Variants in GAP43 observed in about 807,000 individuals in gnomAD.
GAP43 encodes the protein growth associated protein 43.
Under a neutral mutation model 18.6 loss-of-function variants are expected in GAP43, and 6 were observed. The observed-to-expected ratio is 0.32, with a 90% CI of 0.18 to 0.64. GAP43 has a LOEUF of 0.64. Ranked by LOEUF, GAP43 falls within the 30% of genes least tolerant of loss-of-function variation. The pLI is 0.78. For missense variants in GAP43, 292 were observed against 295.5 expected (o/e 0.99, Z 0.09); for synonymous variants, 115 against 111.4 (o/e 1.03, Z -0.20).
intron 1 of GAP43, among the ~76,000 whole-genome samples, chr3:115,660,958 T>G (rs1209324561): frequency 1.3e-5 from 2 of 152,296 alleles, no homozygotes; most frequent in South Asian, 2.1e-4. Flanking sequence ...CTCGATAGCT[T>G]TCACTGCCTT....
At chr3:115,691,688 G>A (rs1709117932) in intron 2 of GAP43, among the ~76,000 whole-genome samples, 2 of 152,186 alleles carry the variant, frequency 1.3e-5, no homozygotes. Context: ...ATGATTTGCA[G>A]TCTCTTTTGG....
In GAP43 at chr3:115,721,279, G is replaced by C. The variant is rs1304420568; in HGVS notation, c.*397G>C. On this transcript the variant is annotated 3_prime_UTR_variant, in exon 3 of 3. Transcript: ENST00000305124. Reference sequence around the variant, plus strand: ...TGTGTGTGCAATGTTCCGTTCATCTGAGGAGTCCAAAATATCGAGTGAATT... The same window carrying C: ...TGTGTGTGCAATGTTCCGTTCATCTCAGGAGTCCAAAATATCGAGTGAATT... 2 of 153,504 alleles carry C rather than the reference G, an allele frequency of 1.3e-5. No individual in the cohort carries two copies. Among genetic ancestry groups the C allele is most frequent in the African/African-American group, 4.8e-5 (2 of 41,430 alleles). The allele number at this position is 153,504 out of a possible 1,614,324, so 9.5% of individuals were successfully genotyped here.
intron 2 of GAP43, among the ~76,000 whole-genome samples, chr3:115,707,659 T>C (rs1709381841): frequency 6.6e-6 from 1 of 152,134 alleles, no homozygotes; most frequent in African/African-American, 2.4e-5. Flanking sequence ...ACTTTGCGCA[T>C]CTAAAAATAG....
intron 1 of GAP43, among the ~76,000 whole-genome samples, chr3:115,665,762 G>C (rs1281351591): frequency 6.6e-6 from 1 of 152,002 alleles, no homozygotes; most frequent in East Asian, 1.9e-4. Context: ...GATATACTTG[G>C]CTTGGCAATT....
chr3:115,719,412 G>A (rs1399249806), intron 2 of GAP43, among the ~76,000 whole-genome samples: 1 of 152,138 alleles, frequency 6.6e-6, no homozygotes, highest in Non-Finnish European at 1.5e-5. Context: ...GTGGTTCCAG[G>A]TGCCTAAAAT....
At chr3:115,639,246 A>G (rs991211215) in intron 1 of GAP43, among the ~76,000 whole-genome samples, 27 of 152,274 alleles carry the variant, frequency 1.8e-4, no homozygotes, top group African/African-American at 6.0e-4. Context: ...ATTTCACCCA[A>G]GTGATACCAG....
At chr3:115,662,648 C>T (rs759047867) in intron 1 of GAP43, among the ~76,000 whole-genome samples, 1 of 152,150 alleles carries the variant, frequency 6.6e-6, no homozygotes, top group African/African-American at 2.4e-5. Context: ...GACATCACCT[C>T]TTGAACTCAG....
chr3:115,633,872 G>C (rs1708295566), intron 1 of GAP43, among the ~76,000 whole-genome samples: 1 of 152,174 alleles, frequency 6.6e-6, no homozygotes, highest in Admixed American at 6.6e-5. Flanking sequence ...AATAATGGGT[G>C]TAAAACAGCT....
At position 115,676,179 on chromosome 3, in the gene GAP43, C is replaced by G. The variant is rs747086289; in HGVS notation, c.197C>G (p.Ala66Gly). The G allele has an allele frequency of 1.9e-6, 3 of 1,613,988 alleles. No individual in the cohort carries two copies. The African/African-American group carries it at 4.0e-5, about 22-fold the overall frequency. The change falls in exon 2 of 3, where the codon GCT becomes GGT. Residue 66 changes from alanine (A) to glycine (G), a missense_variant. Physicochemically the swap from Ala to Gly is moderately conservative, Grantham distance 60 (BLOSUM62 0). Transcript: ENST00000305124. ...GATGTCCAAGCTGCTGAGGCTGAAG[C>G]TAATAAGAAGGATGAAGCCCCTGTT... ...KDDVQAAEAE[A>G]NKKDEAPVAD...
chr3:115,632,477 A>G (rs1204033951), intron 1 of GAP43, among the ~76,000 whole-genome samples: 1 of 152,176 alleles, frequency 6.6e-6, no homozygotes, highest in Non-Finnish European at 1.5e-5. Flanking sequence ...AGCCCTCAAG[A>G]TCTCCACAAA....
At chr3:115,699,410 G>A (rs930320426) in intron 2 of GAP43, among the ~76,000 whole-genome samples, 1 of 152,004 alleles carries the variant, frequency 6.6e-6, no homozygotes, top group Non-Finnish European at 1.5e-5. Flanking sequence ...CCTGAGAGTC[G>A]TTACTACTCA....
intron 1 of GAP43, among the ~76,000 whole-genome samples, chr3:115,659,909 C>T (rs1708636365): frequency 6.6e-6 from 1 of 152,180 alleles, no homozygotes. Flanking sequence ...GCCCCCTCCC[C>T]CGCAACTAGG....
chr3:115,693,574 TTAA>T (rs565192930), intron 2 of GAP43, among the ~76,000 whole-genome samples: 98 of 152,320 alleles, frequency 6.4e-4, no homozygotes, highest in African/African-American at 2.2e-3. Flanking sequence ...ATAAACAGCA[TTAA>T]TGCTATGGTG....
chr3:115,645,662 T>C (rs2107472498), intron 1 of GAP43, among the ~76,000 whole-genome samples: 1 of 152,124 alleles, frequency 6.6e-6, no homozygotes, highest in South Asian at 2.1e-4. Context: ...TAATATATTT[T>C]AGAACACTCT....
At chr3:115,641,864 A>C (rs1301022890) in intron 1 of GAP43, among the ~76,000 whole-genome samples, 1 of 152,094 alleles carries the variant, frequency 6.6e-6, no homozygotes, top group Non-Finnish European at 1.5e-5. Context: ...TGTAAAACAG[A>C]TAAAAAGATG....
chr3:115,649,315 G>T (rs768543722), intron 1 of GAP43, among the ~76,000 whole-genome samples: 2 of 152,040 alleles, frequency 1.3e-5, no homozygotes, highest in Non-Finnish European at 2.9e-5. Context: ...AATCACCTCC[G>T]AAAGGCCCCA....
intron 2 of GAP43, among the ~76,000 whole-genome samples, chr3:115,709,552 T>C (rs1709408215): frequency 1.3e-5 from 2 of 152,194 alleles, no homozygotes; most frequent in Admixed American, 1.3e-4. Context: ...TAACATTGAC[T>C]TCCTAGAATT....
chr3:115,698,082 A>AAATATAT (rs1559804146), intron 2 of GAP43, among the ~76,000 whole-genome samples: 1 of 63,794 alleles, frequency 1.6e-5, no homozygotes, highest in Non-Finnish European at 2.6e-5. Context: ...ATAATATATA[A>AAATATAT]AATATGTATT....
chr3:115,651,516 G>C (rs1708518198), intron 1 of GAP43, among the ~76,000 whole-genome samples: 1 of 152,136 alleles, frequency 6.6e-6, no homozygotes, highest in Non-Finnish European at 1.5e-5. Context: ...TCGGCATCAA[G>C]AGAAAAAATC....
Sources: gnomAD v4.1 joint callset for allele counts (sites outside exome capture counted in the v4.1 genomes callset) on GRCh38, gnomAD v4.1.1 for gene constraint, MANE v1.5 for transcripts, NCBI Gene and HGNC (gene_info 2026-07-23, HGNC 2026-07-21) for gene names.